PRKCE: variants seen among roughly 807,000 people sequenced by gnomAD.
PRKCE encodes protein kinase C epsilon.
Under a neutral mutation model 85.4 loss-of-function variants are expected in PRKCE, and 16 were observed. That is an observed-to-expected ratio of 0.19 (90% CI 0.13 to 0.28). PRKCE has a LOEUF of 0.28. Among genes scored for constraint, PRKCE ranks in the 10% least tolerant of loss-of-function variants. The pLI, the probability that PRKCE is intolerant of heterozygous loss-of-function variation, is 1.00. For missense variants in PRKCE, 573 were observed against 975.2 expected, an observed-to-expected ratio of 0.59 and a Z score of 5.49; for synonymous variants, 388 against 371.5, an observed-to-expected ratio of 1.04 and a Z score of -0.51.
At chr2:45,939,621 C>G (rs1338487091) in intron 2 of PRKCE, among the ~76,000 whole-genome samples, 1 of 151,794 alleles carries the variant, frequency 6.6e-6, no homozygotes, top group African/African-American at 2.4e-5. Context: ...GTGGCGCAAT[C>G]TCAGCTCACT....
chr2:45,915,686 C>G (rs996602256), intron 2 of PRKCE, among the ~76,000 whole-genome samples: 1 of 152,160 alleles, frequency 6.6e-6, no homozygotes, highest in Admixed American at 6.5e-5. Context: ...CTCAGCAGAG[C>G]GTGGTGCTGG....
intron 10 of PRKCE, among the ~76,000 whole-genome samples, chr2:46,085,584 T>C (rs1669527136): frequency 6.8e-6 from 1 of 147,534 alleles, no homozygotes; most frequent in African/African-American, 2.5e-5. Context: ...AATCTCTGCC[T>C]CTGTGGCCAC....
At chr2:45,695,571 A>G (rs1397652259) in intron 1 of PRKCE, among the ~76,000 whole-genome samples, 1 of 152,224 alleles carries the variant, frequency 6.6e-6, no homozygotes, top group African/African-American at 2.4e-5. Context: ...TCAGGAGTTC[A>G]AAACCAGCCT....
intron 1 of PRKCE, among the ~76,000 whole-genome samples, chr2:45,811,972 G>T (rs1440970653): frequency 6.6e-6 from 1 of 152,088 alleles, no homozygotes; most frequent in African/African-American, 2.4e-5. Flanking sequence ...ATTCATTCTT[G>T]CTAGGGGATT....
intron 14 of PRKCE, among the ~76,000 whole-genome samples, chr2:46,173,514 T>C (rs943515094): frequency 1.3e-5 from 2 of 152,236 alleles, no homozygotes; most frequent in Non-Finnish European, 2.9e-5. Flanking sequence ...GAAAAGCTTC[T>C]CACTTTACCA....
chr2:45,781,699 G>A (rs1443848597), intron 1 of PRKCE, among the ~76,000 whole-genome samples: 1 of 152,066 alleles, frequency 6.6e-6, no homozygotes, highest in Non-Finnish European at 1.5e-5. Flanking sequence ...GTAGTTTGCT[G>A]TGTGGTCTGA....
intron 1 of PRKCE, among the ~76,000 whole-genome samples, chr2:45,717,619 AAT>A (rs1161651728): frequency 2.0e-5 from 3 of 152,022 alleles, no homozygotes; most frequent in African/African-American, 7.2e-5. Flanking sequence ...CTTTTTTCCT[AAT>A]AGTTTTTGTA....
intron 2 of PRKCE, among the ~76,000 whole-genome samples, chr2:45,966,431 T>G (rs181130423): frequency 6.6e-6 from 1 of 152,334 alleles, no homozygotes; most frequent in Non-Finnish European, 1.5e-5. Context: ...CTTGGAATCA[T>G]GCTCAGCATC....
intron 1 of PRKCE, chr2:45,770,772 C>T (rs923665864): frequency 6.6e-6 from 1 of 152,180 alleles, no homozygotes; most frequent in Non-Finnish European, 1.5e-5. Flanking sequence ...ATTATTTCTT[C>T]CTTCCTAAAA....
intron 5 of PRKCE, among the ~76,000 whole-genome samples, chr2:45,980,645 T>C (rs1023910858): frequency 6.6e-6 from 1 of 152,204 alleles, no homozygotes; most frequent in African/African-American, 2.4e-5. Context: ...AAGAAAAATA[T>C]GAATTCTTTT....
chr2:46,089,282 G>C (rs1268419107), intron 11 of PRKCE, among the ~76,000 whole-genome samples: 1 of 152,144 alleles, frequency 6.6e-6, no homozygotes, highest in Non-Finnish European at 1.5e-5. Flanking sequence ...TGTATATCCA[G>C]CATTCCTCTA....
chr2:45,694,343 T>G (rs1677973051), intron 1 of PRKCE, among the ~76,000 whole-genome samples: 1 of 152,110 alleles, frequency 6.6e-6, no homozygotes, highest in African/African-American at 2.4e-5. Flanking sequence ...TCTCTAGATC[T>G]GAATTTTTGG....
At chr2:45,868,396 A>G (rs190449383) in intron 2 of PRKCE, among the ~76,000 whole-genome samples, 163 of 150,352 alleles carry the variant, frequency 1.1e-3, no homozygotes, top group African/African-American at 3.8e-3. Flanking sequence ...AACTGATTAA[A>G]TGAATGTACA....
At chr2:45,779,823 C>A (rs182657304) in intron 1 of PRKCE, among the ~76,000 whole-genome samples, 12 of 152,132 alleles carry the variant, frequency 7.9e-5, no homozygotes, top group African/African-American at 2.9e-4. Flanking sequence ...ATTTCCTTGT[C>A]ATCAAAAATT....
intron 2 of PRKCE, among the ~76,000 whole-genome samples, chr2:45,869,833 G>A (rs576663374): frequency 2.0e-5 from 3 of 149,972 alleles, no homozygotes; most frequent in East Asian, 2.0e-4. Context: ...TCAGCCTCCC[G>A]AGTAGCTGGG....
intron 1 of PRKCE, among the ~76,000 whole-genome samples, chr2:45,663,622 A>C (rs1675777328): frequency 6.6e-6 from 1 of 152,164 alleles, no homozygotes; most frequent in South Asian, 2.1e-4. Context: ...TCTCTACTAA[A>C]AATACAAAAA....
At chr2:46,015,726 T>G (rs1241992040) in intron 10 of PRKCE, among the ~76,000 whole-genome samples, 1 of 141,650 alleles carries the variant, frequency 7.1e-6, no homozygotes, top group Non-Finnish European at 1.5e-5. Flanking sequence ...AAGTAAAAAT[T>G]AGGCCATTGG....
Position 46,004,661 on chromosome 2 carries a change from C to G in PRKCE, c.1063+23C>G. 6.5e-7 allele frequency: 1 copy of G among 1,540,596 alleles called. No homozygotes were observed. The highest frequency in any genetic ancestry group is 8.7e-7 in the Non-Finnish European group (1 of 1,143,374). On this transcript the variant is annotated intron_variant, in intron 8 of 14. Coordinates refer to ENST00000306156, the MANE Select transcript of PRKCE (RefSeq NM_005400.3). The surrounding 1 kb of genome is among the most constrained non-coding windows in gnomAD (Gnocchi z 4.1). ...AGGGTGAGACCCTCAGATTTGCTTC[C>G]TGACCTCTGAGTTCTGCCATTGGAT...
At chr2:45,868,145 CAAACAAACAAACAAA>C (rs1223823015) in intron 2 of PRKCE, among the ~76,000 whole-genome samples, 4 of 144,972 alleles carry the variant, frequency 2.8e-5, no homozygotes, top group South Asian at 2.3e-4. Flanking sequence ...GTTTTAAAAA[CAAACAAACAAACAAA>C]AAACAAACAA....
Sources: gnomAD v4.1 joint callset for allele counts (sites outside exome capture counted in the v4.1 genomes callset) on GRCh38, gnomAD v4.1.1 for gene constraint, Gnocchi (gnomAD v3.1) non-coding constraint, MANE v1.5 for transcripts, NCBI Gene and HGNC (gene_info 2026-07-23, HGNC 2026-07-21) for gene names.